The following MEGF11 variants were observed in gnomAD, a reference collection of about 807,000 sequenced individuals.
The protein encoded by MEGF11 is multiple epidermal growth factor-like domains protein 11.
In MEGF11, 126 loss-of-function variants were observed where a neutral mutation model predicts 146.6. The observed-to-expected ratio is 0.86, with a 90% CI of 0.74 to 1.00. The LOEUF (loss-of-function observed/expected upper bound fraction) is 1.00, where lower values mean the gene tolerates loss of function less well. Among genes scored for constraint, MEGF11 ranks in the 50% least tolerant of loss-of-function variants. MEGF11 has a pLI of 0.00. For synonymous variants in MEGF11, 532 were observed against 583.4 expected (o/e 0.91, Z 1.27); for missense variants, 1,509 against 1,521.2 (o/e 0.99, Z 0.13).
intron 5 of MEGF11, among the ~76,000 whole-genome samples, chr15:66,086,157 G>A (rs990123627): frequency 6.6e-6 from 1 of 152,128 alleles, no homozygotes; most frequent in Non-Finnish European, 1.5e-5. Context: ...AGAAGTCTGG[G>A]ATTATATTAA....
In MEGF11 at chr15:65,922,423, G is replaced by A; in HGVS notation, c.1872C>T (p.Leu624=). 1.3e-6 allele frequency: 2 copies of A among 1,590,864 alleles called. No individual in the cohort carries two copies. Among genetic ancestry groups the A allele is most frequent in the Non-Finnish European group, 1.7e-6 (2 of 1,169,300 alleles). Residue 624 remains leucine (L), a synonymous_variant, in exon 15 of 26, where the codon CTC becomes CTT. Coordinates refer to ENST00000395614, the MANE Select transcript of MEGF11 (RefSeq NM_001385028.1). ...YGHGCAQPCP[L]CVHSSRPCHH... is the part of the protein sequence containing the mutation. ...GGCAGGGCCTGCTGCTGTGCACGCA[G>A]AGGGGGCATGGCTGGGCGCAGCCGT...
chr15:66,035,617 G>A (rs1033057329), intron 5 of MEGF11, among the ~76,000 whole-genome samples: 5 of 152,140 alleles, frequency 3.3e-5, no homozygotes, highest in African/African-American at 4.8e-5. Flanking sequence ...CATTTCTATG[G>A]TGTTTATGAT....
chr15:66,206,481 A>T (rs920502892), intron 1 of MEGF11, among the ~76,000 whole-genome samples: 3 of 152,226 alleles, frequency 2.0e-5, no homozygotes, highest in Non-Finnish European at 4.4e-5. Context: ...CCATTCTAAG[A>T]TGCATGATTA....
intron 5 of MEGF11, among the ~76,000 whole-genome samples, chr15:66,061,111 A>G (rs991510487): frequency 1.3e-5 from 2 of 152,198 alleles, no homozygotes; most frequent in African/African-American, 2.4e-5. Context: ...GATTAAAACA[A>G]TGTGACTCCC....
intron 24 of MEGF11, chr15:65,901,640 C>A (rs1386476454): frequency 6.7e-6 from 1 of 149,244 alleles, no homozygotes; most frequent in South Asian, 2.1e-4. Context: ...TCTGAACTCA[C>A]CAGTCAAGGA....
chr15:65,970,711 A>G, intron 7 of MEGF11, 22 bp from the exon 8 acceptor site: 1 of 1,598,700 alleles, frequency 6.3e-7, no homozygotes, highest in Non-Finnish European at 8.5e-7. Context: ...GTGGGAAGAC[A>G]TGCATGGCGG....
intron 10 of MEGF11, among the ~76,000 whole-genome samples, chr15:65,941,379 C>T (rs765979649): frequency 5.3e-5 from 8 of 151,914 alleles, no homozygotes; most frequent in Non-Finnish European, 7.4e-5. Context: ...ACCCGGGAGG[C>T]GGAGATTGCA....
intron 4 of MEGF11, among the ~76,000 whole-genome samples, chr15:66,111,806 G>A (rs535470994): frequency 6.6e-6 from 1 of 152,194 alleles, no homozygotes; most frequent in Non-Finnish European, 1.5e-5. Context: ...TTAGATAGAG[G>A]TGATATTTGC....
chr15:66,091,430 A>G (rs933783593), intron 5 of MEGF11, among the ~76,000 whole-genome samples: 34 of 152,232 alleles, frequency 2.2e-4, no homozygotes, highest in African/African-American at 7.5e-4. Context: ...ACCTTGGACT[A>G]TATTAACAGA....
At chr15:66,125,249 G>C (rs1256431329) in intron 2 of MEGF11, among the ~76,000 whole-genome samples, 3 of 152,192 alleles carry the variant, frequency 2.0e-5, no homozygotes, top group African/African-American at 7.2e-5. Flanking sequence ...GCACACCTGA[G>C]ATATGCCTCA....
chr15:66,183,857 G>C (rs1252168329), intron 1 of MEGF11, among the ~76,000 whole-genome samples: 1 of 152,178 alleles, frequency 6.6e-6, no homozygotes, highest in Non-Finnish European at 1.5e-5. Context: ...TGCGCTGCAA[G>C]GTCTCAGGAG....
chr15:66,017,133 G>A (rs1343968368), intron 5 of MEGF11, among the ~76,000 whole-genome samples: 1 of 152,184 alleles, frequency 6.6e-6, no homozygotes, highest in Non-Finnish European at 1.5e-5. Context: ...AGCAGTAGGG[G>A]ACGGAGGAGG....
At chr15:66,136,919 A>T (rs983939166) in intron 1 of MEGF11, among the ~76,000 whole-genome samples, 2 of 152,094 alleles carry the variant, frequency 1.3e-5, no homozygotes, top group African/African-American at 4.8e-5. Context: ...TGTAGTCCTA[A>T]CTACTAGGGA....
chr15:66,053,892 C>T (rs1231430698), intron 5 of MEGF11, among the ~76,000 whole-genome samples: 1 of 151,786 alleles, frequency 6.6e-6, no homozygotes, highest in East Asian at 1.9e-4. Context: ...CCATGCCTGG[C>T]TAATTTTTGT....
intron 1 of MEGF11, among the ~76,000 whole-genome samples, chr15:66,247,784 C>G (rs941964695): frequency 5.3e-5 from 8 of 151,714 alleles, no homozygotes; most frequent in Non-Finnish European, 1.0e-4. Flanking sequence ...CACCTGTAAT[C>G]CCAGCATTTT....
chr15:65,965,703 A>G (rs8037025), intron 8 of MEGF11, among the ~76,000 whole-genome samples: 18,057 of 145,242 alleles, frequency 0.12, 1,222 homozygotes, highest in Middle Eastern at 0.23. Context: ...TGGGGCCCTC[A>G]TCAGACACCA....
Position 65,982,091 on chromosome 15 carries a change from AG to A in MEGF11, c.641+150del. On this transcript the variant is annotated intron_variant, in intron 6 of 25. Coordinates refer to ENST00000395614, the MANE Select transcript of MEGF11 (RefSeq NM_001385028.1). The surrounding 1 kb of genome is among the most constrained non-coding windows in gnomAD (Gnocchi z 5.6). ...GGTCCCACCACCCAGCCCACCCACA[AG>A]GAGCCCAGGGCTGGGCGTGCAGCTG... is the stretch of plus-strand genomic sequence containing the variant. 8.7e-7 allele frequency: 1 copy of A among 1,143,582 alleles called. No individual in the cohort carries two copies. The highest frequency in any genetic ancestry group is 1.6e-5 in the African/African-American group (1 of 62,426). The allele number at this position is 1,143,582 out of a possible 1,614,324, so 70.8% of individuals were successfully genotyped here.
chr15:66,017,611 G>C (rs2082934269), intron 5 of MEGF11, among the ~76,000 whole-genome samples: 1 of 152,190 alleles, frequency 6.6e-6, no homozygotes, highest in South Asian at 2.1e-4. Flanking sequence ...GGAGGTCCTT[G>C]CTTGCTCCCT....
chr15:65,944,874 T>C (rs866371541), intron 10 of MEGF11, among the ~76,000 whole-genome samples: 1 of 149,612 alleles, frequency 6.7e-6, no homozygotes, highest in South Asian at 2.1e-4. Context: ...CATCCCCAAC[T>C]CCCCAACTCA....
Sources: gnomAD v4.1 joint callset for allele counts (sites outside exome capture counted in the v4.1 genomes callset) on GRCh38, gnomAD v4.1.1 for gene constraint, Gnocchi (gnomAD v3.1) non-coding constraint, MANE v1.5 for transcripts, NCBI Gene and HGNC (gene_info 2026-07-23, HGNC 2026-07-21) for gene names.